ST3GAL3: variants seen among roughly 807,000 people sequenced by gnomAD.
The protein encoded by ST3GAL3 is CMP-N-acetylneuraminate-beta-1,4-galactoside alpha-2,3-sialyltransferase.
In ST3GAL3, 21 loss-of-function variants were observed where a neutral mutation model predicts 50.1. The observed-to-expected ratio is 0.42, with a 90% confidence interval of 0.30 to 0.60. The LOEUF (loss-of-function observed/expected upper bound fraction) is 0.60, where lower values mean the gene tolerates loss of function less well. ST3GAL3 is among the 20% of genes least tolerant of loss of function. The pLI is 0.19. For synonymous variants in ST3GAL3, 183 were observed against 190.0 expected, an observed-to-expected ratio of 0.96 and a Z score of 0.30; for missense variants, 353 against 489.4, an observed-to-expected ratio of 0.72 and a Z score of 2.63.
At chr1:43,826,366 A>G (rs955418594) in intron 4 of ST3GAL3, among the ~76,000 whole-genome samples, 8 of 152,198 alleles carry the variant, frequency 5.3e-5, no homozygotes, top group African/African-American at 1.9e-4. Flanking sequence ...AAACCACCCA[A>G]ACTGACACAA....
chr1:43,750,733 T>TAAA, intron 2 of ST3GAL3, among the ~76,000 whole-genome samples: 1 of 138,234 alleles, frequency 7.2e-6, no homozygotes, highest in African/African-American at 2.7e-5. Context: ...CTACAACAAG[T>TAAA]AAAAAAAAAA....
intron 1 of ST3GAL3, among the ~76,000 whole-genome samples, chr1:43,722,099 A>G (rs912260061): frequency 6.6e-6 from 1 of 152,154 alleles, no homozygotes; most frequent in African/African-American, 2.4e-5. Context: ...ATAGGGATAT[A>G]TGGGTGTGGT....
At chr1:43,774,190 C>T (rs935012014) in intron 2 of ST3GAL3, among the ~76,000 whole-genome samples, 2 of 152,116 alleles carry the variant, frequency 1.3e-5, no homozygotes, top group African/African-American at 4.8e-5. Context: ...ACTATAATGA[C>T]AATATTGACT....
chr1:43,930,418 G>A lies in ST3GAL3; in HGVS notation c.*197G>A. The A allele has an allele frequency of 3.2e-6, 2 of 634,734 alleles. No homozygotes were observed. Among genetic ancestry groups the A allele is most frequent in the Non-Finnish European group, 2.8e-6 (1 of 351,956 alleles). 39.3% of individuals were successfully genotyped at this position (634,734 alleles called of 1,614,324 possible). A position where few individuals can be genotyped will look rare whatever the true frequency, so the allele number is the denominator to read the frequency against. On this transcript the variant is annotated 3_prime_UTR_variant, in exon 12 of 12. Transcript: ENST00000347631. The stretch of plus-strand genomic sequence containing the variant: ...CAGCACTCAGCCTCATTCAGCATGG[G>A]TCCTTGATGCCAGAGGGCCAGCAGG...
intron 3 of ST3GAL3, among the ~76,000 whole-genome samples, 193 bp from the exon 4 acceptor site, chr1:43,814,698 G>GA (rs1365029526): frequency 1.3e-5 from 2 of 152,240 alleles, no homozygotes; most frequent in African/African-American, 2.4e-5. Flanking sequence ...ACCTGGCATT[G>GA]AACTTGGTCC....
chr1:43,707,610 C>A lies in ST3GAL3; in HGVS notation c.-114C>A. ...TCCCGCCGGGGTCCCCCGCGGCTGT[C>A]GCCGCCGCCTACGCCGCTGCCTCCG... On this transcript the variant is annotated 5_prime_UTR_variant, in exon 1 of 12. Transcript: ENST00000347631. The A allele has an allele frequency of 6.5e-6, 1 of 152,716 alleles. No homozygotes were observed. Among genetic ancestry groups the A allele is most frequent in the South Asian group, 2.1e-4 (1 of 4,876 alleles). 9.5% of individuals were successfully genotyped at this position (152,716 alleles called of 1,614,324 possible).
intron 5 of ST3GAL3, among the ~76,000 whole-genome samples, chr1:43,862,231 A>G (rs2070171755): frequency 6.6e-6 from 1 of 152,052 alleles, no homozygotes; most frequent in East Asian, 1.9e-4. Flanking sequence ...CTGTCCTCAC[A>G]TTCTCCACCT....
In ST3GAL3 at chr1:43,722,271, G is replaced by A. The variant is rs76665446; in HGVS notation, c.-30-13962G>A. On this transcript the variant is annotated intron_variant, in intron 1 of 11. Coordinates refer to ENST00000347631, the MANE Select transcript of ST3GAL3 (RefSeq NM_006279.5). ...CCTGACATTGGGAAGTAAATAAAGC[G>A]GTGGGTCAGAAGGGCTTCAGCCTGA... 7.9e-5 allele frequency among the ~76,000 whole-genome samples: 12 copies of A among 152,016 alleles called. No individual in the cohort carries two copies. The South Asian group carries it at 1.5e-3, about 18-fold the overall frequency.
chr1:43,876,526 A>G (rs921510637), intron 5 of ST3GAL3, among the ~76,000 whole-genome samples: 2 of 152,224 alleles, frequency 1.3e-5, no homozygotes, highest in Non-Finnish European at 2.9e-5. Context: ...CTGTGGCAGG[A>G]AAGGCTAGAG....
chr1:43,731,557 AT>A (rs147263689), intron 1 of ST3GAL3, among the ~76,000 whole-genome samples: 79,497 of 123,520 alleles, frequency 0.64, 25,336 homozygotes, highest in Non-Finnish European at 0.7. Flanking sequence ...GCTAATTTTA[AT>A]TTTTTTTTTT....
chr1:43,864,142 G>A (rs2070735987), intron 5 of ST3GAL3, among the ~76,000 whole-genome samples: 1 of 152,226 alleles, frequency 6.6e-6, no homozygotes, highest in African/African-American at 2.4e-5. Context: ...AGCCGGGCAT[G>A]GTGGCGCATG....
chr1:43,847,526 C>T (rs1417856800), intron 5 of ST3GAL3, among the ~76,000 whole-genome samples: 1 of 152,124 alleles, frequency 6.6e-6, no homozygotes, highest in Non-Finnish European at 1.5e-5. Context: ...TGAAATGAGC[C>T]AGTTACACAA....
intron 2 of ST3GAL3, among the ~76,000 whole-genome samples, chr1:43,758,406 A>G (rs1248512347): frequency 6.6e-6 from 1 of 152,004 alleles, no homozygotes; most frequent in African/African-American, 2.4e-5. Context: ...GTGTGCCTCT[A>G]TACCTGGCTA....
chr1:43,793,393 C>G (rs2058321008), intron 3 of ST3GAL3, among the ~76,000 whole-genome samples: 2 of 152,136 alleles, frequency 1.3e-5, no homozygotes, highest in African/African-American at 4.8e-5. Context: ...CAATTACACT[C>G]TTTTAATTAT....
chr1:43,918,902 A>G (rs1223921324), intron 9 of ST3GAL3, among the ~76,000 whole-genome samples: 1 of 151,698 alleles, frequency 6.6e-6, no homozygotes, highest in Admixed American at 6.6e-5. Flanking sequence ...GTTCTCACAT[A>G]TTTCTTATGT....
intron 6 of ST3GAL3, among the ~76,000 whole-genome samples, chr1:43,897,212 T>C (rs2077519455): frequency 6.6e-6 from 1 of 152,186 alleles, no homozygotes; most frequent in Non-Finnish European, 1.5e-5. Flanking sequence ...GCTCCACGCC[T>C]AGGAGCATAG....
intron 4 of ST3GAL3, among the ~76,000 whole-genome samples, chr1:43,833,410 G>A (rs531695822): frequency 6.6e-6 from 1 of 152,234 alleles, no homozygotes; most frequent in Admixed American, 6.5e-5. Flanking sequence ...CCTTAACTAT[G>A]TCCTAGTCAT....
At chr1:43,730,663 T>C (rs183933350) in intron 1 of ST3GAL3, among the ~76,000 whole-genome samples, 5 of 150,910 alleles carry the variant, frequency 3.3e-5, no homozygotes, top group Non-Finnish European at 7.4e-5. Flanking sequence ...CTCAAACTTA[T>C]GGGCTCAAGC....
rs1009550426 is a variant in ST3GAL3, at chr1:43,816,353, T to G, written c.209+1420T>G. On this transcript the variant is annotated intron_variant, in intron 4 of 11. Coordinates refer to ENST00000347631, the MANE Select transcript of ST3GAL3 (RefSeq NM_006279.5). ...TTGTAAATCTCCCAACTTTTACACA[T>G]TATGAAGGCAACTATGAAGGAAAAA... Among the ~76,000 whole-genome samples, 4 of 152,154 alleles carry G rather than the reference T, an allele frequency of 2.6e-5. No homozygotes were observed. The South Asian group carries it at 8.3e-4, about 32-fold the overall frequency.
Sources: allele counts gnomAD v4.1 joint callset (sites outside exome capture counted in the v4.1 genomes callset), GRCh38; gene constraint gnomAD v4.1.1; transcripts MANE v1.5; gene names NCBI Gene and HGNC (gene_info 2026-07-23, HGNC 2026-07-21).